Variants in RIMBP2 observed in about 807,000 individuals in gnomAD.
RIMBP2 encodes RIMS binding protein 2, also known as RIMS-binding protein 2.
Under a neutral mutation model 118.6 loss-of-function variants are expected in RIMBP2, and 48 were observed. The observed-to-expected ratio is 0.40, with a 90% CI of 0.32 to 0.51. RIMBP2 has a LOEUF of 0.51. Ranked by LOEUF, RIMBP2 falls within the 20% of genes least tolerant of loss-of-function variation. The pLI is 0.41. For synonymous variants in RIMBP2, 762 were observed against 742.9 expected, an observed-to-expected ratio of 1.03 and a Z score of -0.42; for missense variants, 1,551 against 1,768.3, an observed-to-expected ratio of 0.88 and a Z score of 2.20.
chr12:130,542,899 C>G (rs959315397), intron 2 of RIMBP2, among the ~76,000 whole-genome samples: 27 of 152,216 alleles, frequency 1.8e-4, no homozygotes, highest in African/African-American at 6.3e-4. Flanking sequence ...TCCATTGTTC[C>G]TCATTCATCC....
Position 130,470,686 on chromosome 12 carries a change from TC to T in RIMBP2, c.153+6del. 1 of 1,231,880 alleles carries T rather than the reference TC, an allele frequency of 8.1e-7. No individual in the cohort carries two copies. Among genetic ancestry groups the T allele is most frequent in the Non-Finnish European group, 1.0e-6 (1 of 987,772 alleles). 76.3% of individuals were successfully genotyped at this position (1,231,880 alleles called of 1,614,324 possible). A position where few individuals can be genotyped will look rare whatever the true frequency, so the allele number is the denominator to read the frequency against. On this transcript the variant is annotated splice_donor_region_variant and intron_variant, in intron 6 of 22. Coordinates refer to ENST00000690449, the MANE Select transcript of RIMBP2 (RefSeq NM_001393629.1). Reference sequence around the variant, plus strand: ...CCCCGGGCAGAAAGCAGGGGCACGCTCCTTACCTCTAGCAGCCGCACTGCGC... The same window carrying T: ...CCCCGGGCAGAAAGCAGGGGCACGCTCTTACCTCTAGCAGCCGCACTGCGC...
At chr12:130,618,916 G>A (rs910138924) in intron 2 of RIMBP2, among the ~76,000 whole-genome samples, 1 of 152,054 alleles carries the variant, frequency 6.6e-6, no homozygotes, top group Non-Finnish European at 1.5e-5. Flanking sequence ...GAGGAAGAGA[G>A]GACGAATGTT....
chr12:130,405,558 T>A (rs2075085848), intron 21 of RIMBP2, among the ~76,000 whole-genome samples: 1 of 151,830 alleles, frequency 6.6e-6, no homozygotes, highest in South Asian at 2.1e-4. Context: ...AACTCTGAGA[T>A]AACCCCACCC....
At chr12:130,664,389 G>A (rs1402059240) in intron 1 of RIMBP2, among the ~76,000 whole-genome samples, 1 of 82,544 alleles carries the variant, frequency 1.2e-5, no homozygotes, top group Non-Finnish European at 2.9e-5. Flanking sequence ...GCACGCGCAT[G>A]CACACACACG....
intron 2 of RIMBP2, among the ~76,000 whole-genome samples, chr12:130,541,407 A>G (rs1273068459): frequency 6.6e-6 from 1 of 152,204 alleles, no homozygotes; most frequent in Non-Finnish European, 1.5e-5. Flanking sequence ...GCATTTTGGA[A>G]TGTTTCTTCC....
intron 1 of RIMBP2, among the ~76,000 whole-genome samples, chr12:130,644,404 G>A (rs540339372): frequency 6.6e-6 from 1 of 152,312 alleles, no homozygotes; most frequent in East Asian, 1.9e-4. Context: ...TGAGACGCCT[G>A]CTGCATTTAA....
At chr12:130,406,033 C>T (rs563144076) in intron 21 of RIMBP2, 139 bp downstream of exon 21, 14 of 623,394 alleles carry the variant, frequency 2.2e-5, no homozygotes, top group South Asian at 2.1e-5. Context: ...TATAACTCAG[C>T]CAATTAAGCA....
chr12:130,705,475 G>C (rs1027534174), intron 1 of RIMBP2, among the ~76,000 whole-genome samples: 31 of 152,324 alleles, frequency 2.0e-4, no homozygotes, highest in Admixed American at 1.3e-3. Flanking sequence ...GAAGCCTCCT[G>C]GGGGAGAGGC....
chr12:130,664,760 G>T (rs73159177), intron 1 of RIMBP2, among the ~76,000 whole-genome samples: 2 of 151,752 alleles, frequency 1.3e-5, no homozygotes, highest in African/African-American at 4.9e-5. Context: ...AGGAGCTCCC[G>T]CTGACCTTTC....
In RIMBP2 at chr12:130,663,090, C is replaced by T. The variant is rs1486441016; in HGVS notation, c.-351-34634G>A. ...CGTGCGGCCAAGTTTGGCTCTAACA[C>T]CTTCAACCAGCAGGTTCTGCAGGCA... is the stretch of plus-strand genomic sequence containing the variant. On this transcript the variant is annotated intron_variant, in intron 1 of 22. Coordinates refer to ENST00000690449, the MANE Select transcript of RIMBP2 (RefSeq NM_001393629.1). 2.0e-5 allele frequency among the ~76,000 whole-genome samples: 3 copies of T among 152,200 alleles called. No homozygotes were observed. The East Asian group carries it at 5.8e-4, about 29-fold the overall frequency.
chr12:130,638,394 T>C (rs2062446187), intron 1 of RIMBP2, among the ~76,000 whole-genome samples: 1 of 152,178 alleles, frequency 6.6e-6, no homozygotes, highest in Admixed American at 6.5e-5. Context: ...ATATAAACTA[T>C]ATGATTCCAA....
At chr12:130,655,185 G>T (rs1381629168) in intron 1 of RIMBP2, among the ~76,000 whole-genome samples, 1 of 152,210 alleles carries the variant, frequency 6.6e-6, no homozygotes, top group Non-Finnish European at 1.5e-5. Flanking sequence ...AAAGAGGAGT[G>T]TGCCCTAGGC....
chr12:130,410,247 A>C (rs1283008444), intron 19 of RIMBP2, among the ~76,000 whole-genome samples: 1 of 152,152 alleles, frequency 6.6e-6, no homozygotes. Context: ...CTTATTGATG[A>C]GTTTTGAAAG....
intron 11 of RIMBP2, among the ~76,000 whole-genome samples, chr12:130,439,860 T>A (rs1183317733): frequency 7.1e-6 from 1 of 141,070 alleles, no homozygotes; most frequent in Non-Finnish European, 1.6e-5. Context: ...TCTGTGGGGG[T>A]GTCTGTGGGT....
At chr12:130,535,676 CATAT>C (rs1321004844) in intron 2 of RIMBP2, among the ~76,000 whole-genome samples, 6 of 116,526 alleles carry the variant, frequency 5.1e-5, no homozygotes, top group East Asian at 3.1e-4. Context: ...CATATATACA[CATAT>C]ATATACACAT....
At position 130,654,054 on chromosome 12, in the gene RIMBP2, G is replaced by T. The variant is rs1302173827; in HGVS notation, c.-351-25598C>A. 2.2e-4 allele frequency among the ~76,000 whole-genome samples: 33 copies of T among 152,142 alleles called. 1 individual carries two copies. ...TGTTGTCTTGGATATTAGCACTTGG[G>T]TCCTTTTTAGTCATGCTAGTTTCTC... On this transcript the variant is annotated intron_variant, in intron 1 of 22. Transcript: ENST00000690449.
intron 4 of RIMBP2, among the ~76,000 whole-genome samples, chr12:130,498,828 A>G (rs2049456443): frequency 6.6e-6 from 1 of 152,196 alleles, no homozygotes; most frequent in Non-Finnish European, 1.5e-5. Flanking sequence ...ACCCAAGTGG[A>G]GGCCCCACGT....
chr12:130,616,998 GC>G (rs1394621390), intron 2 of RIMBP2, among the ~76,000 whole-genome samples: 4 of 152,222 alleles, frequency 2.6e-5, no homozygotes, highest in Admixed American at 1.3e-4. Flanking sequence ...GGGTGCAGGG[GC>G]CCCCCTCCTC....
At chr12:130,661,846 T>G (rs1427062528) in intron 1 of RIMBP2, among the ~76,000 whole-genome samples, 1 of 152,176 alleles carries the variant, frequency 6.6e-6, no homozygotes, top group Non-Finnish European at 1.5e-5. Context: ...TTCATGAGTA[T>G]GCATCTCTGT....
Sources: gnomAD v4.1 joint callset for allele counts (sites outside exome capture counted in the v4.1 genomes callset) on GRCh38, gnomAD v4.1.1 for gene constraint, MANE v1.5 for transcripts, NCBI Gene and HGNC (gene_info 2026-07-23, HGNC 2026-07-21) for gene names.